Variants in TRPS1 observed in about 807,000 individuals in gnomAD.
TRPS1 encodes transcriptional repressor GATA binding 1.
TRPS1 carries 6 observed loss-of-function variants against 101.2 expected under a neutral mutation model. The observed-to-expected ratio is 0.06, with a 90% CI of 0.03 to 0.12. TRPS1 has a LOEUF of 0.12. Ranked by LOEUF, TRPS1 falls within the 10% of genes least tolerant of loss-of-function variation. The probability of loss-of-function intolerance (pLI) is 1.00; values close to 1 mark genes in which losing one functional copy is unlikely to be tolerated. For missense variants in TRPS1, 1,363 were observed against 1,567.0 expected (o/e 0.87, Z 2.20); for synonymous variants, 578 against 589.8 (o/e 0.98, Z 0.29).
chr8:115,438,064 A>T (rs1449108007), intron 5 of TRPS1, among the ~76,000 whole-genome samples: 1 of 152,192 alleles, frequency 6.6e-6, no homozygotes, highest in African/African-American at 2.4e-5. Flanking sequence ...CCATCAACAC[A>T]TACACAAGAG....
chr8:115,624,810 AC>A (rs2130546225), intron 1 of TRPS1, among the ~76,000 whole-genome samples: 1 of 151,990 alleles, frequency 6.6e-6, no homozygotes, highest in South Asian at 2.1e-4. Context: ...GTGCTTAAAT[AC>A]ATAAGAAAAA....
chr8:115,539,441 T>C lies in TRPS1; in HGVS notation c.2700+47560A>G, dbSNP rs181608875. Among the ~76,000 whole-genome samples the C allele has an allele frequency of 1.1e-4, 17 of 152,340 alleles. No homozygotes were observed. In the East Asian group the frequency reaches 2.9e-3, roughly 26 times the overall value. On this transcript the variant is annotated intron_variant, in intron 5 of 6. Coordinates refer to ENST00000395715, the MANE Select transcript of TRPS1 (RefSeq NM_014112.5). ...ACCCAGTTCCTGATTTTATTATTTA[T>C]TATTCAAAAAGAACGAAATGAAAAT...
At chr8:115,606,909 C>G (rs1818051085) in intron 3 of TRPS1, among the ~76,000 whole-genome samples, 1 of 151,266 alleles carries the variant, frequency 6.6e-6, no homozygotes, top group African/African-American at 2.4e-5. Context: ...GGGATAAATT[C>G]AGATGTATCC....
At chr8:115,532,414 A>G (rs1163632539) in intron 5 of TRPS1, among the ~76,000 whole-genome samples, 2 of 152,190 alleles carry the variant, frequency 1.3e-5, no homozygotes, top group East Asian at 1.9e-4. Flanking sequence ...GATTATTTCA[A>G]TCAGGCACTA....
intron 5 of TRPS1, among the ~76,000 whole-genome samples, chr8:115,565,092 C>A (rs1032682905): frequency 3.3e-5 from 5 of 152,092 alleles, no homozygotes; most frequent in African/African-American, 1.2e-4. Flanking sequence ...GGAATAGAGA[C>A]CTTAGGCCTT....
intron 5 of TRPS1, among the ~76,000 whole-genome samples, chr8:115,448,428 A>T: frequency 6.6e-6 from 1 of 152,164 alleles, no homozygotes; most frequent in East Asian, 1.9e-4. Flanking sequence ...AGAGACTAGC[A>T]GTCACTCAAG....
chr8:115,564,477 C>T (rs762907575), intron 5 of TRPS1, among the ~76,000 whole-genome samples: 5 of 151,988 alleles, frequency 3.3e-5, no homozygotes, highest in African/African-American at 9.7e-5. Flanking sequence ...TTTATACAAA[C>T]GATTGAAGCA....
intron 5 of TRPS1, among the ~76,000 whole-genome samples, chr8:115,435,384 C>T (rs1306808886): frequency 3.3e-5 from 5 of 152,080 alleles, no homozygotes; most frequent in African/African-American, 9.7e-5. Flanking sequence ...AGTGACTGAT[C>T]GAAATCAGAA....
intron 4 of TRPS1, among the ~76,000 whole-genome samples, chr8:115,593,444 C>T (rs1474818510): frequency 6.6e-6 from 1 of 152,138 alleles, no homozygotes; most frequent in Non-Finnish European, 1.5e-5. Flanking sequence ...TCTATGGTTA[C>T]TGTTTCACGT....
At chr8:115,468,284 T>A (rs1417495511) in intron 5 of TRPS1, among the ~76,000 whole-genome samples, 1 of 152,242 alleles carries the variant, frequency 6.6e-6, no homozygotes, top group Admixed American at 6.5e-5. Context: ...CTTAATTAAA[T>A]GATTTATTTA....
At chr8:115,630,847 T>C (rs755220901) in intron 1 of TRPS1, among the ~76,000 whole-genome samples, 1 of 152,054 alleles carries the variant, frequency 6.6e-6, no homozygotes, top group Non-Finnish European at 1.5e-5. Flanking sequence ...GACCACTTGG[T>C]TTCCCAATGC....
At chr8:115,567,377 T>C (rs1251205179) in intron 5 of TRPS1, among the ~76,000 whole-genome samples, 1 of 152,064 alleles carries the variant, frequency 6.6e-6, no homozygotes, top group Non-Finnish European at 1.5e-5. Context: ...TCTCAGGTCA[T>C]TCACTGTTAT....
In TRPS1 at chr8:115,414,614, G is replaced by C; in HGVS notation, c.3294C>G (p.Ser1098Arg). ...AKHPNYSPPGSPIEKYQYPLF... is the reference protein window; with the variant it reads ...AKHPNYSPPGRPIEKYQYPLF... ...GTGGGTACTGGTACTTTTCAATAGG[G>C]CTGCCTGGTGGTGAATAATTTGGGT... is the stretch of plus-strand genomic sequence containing the variant. The change falls in exon 7 of 7, where the codon AGC becomes AGG. Residue 1098 changes from serine to arginine, a missense_variant. Physicochemically the swap from Ser to Arg is moderately radical, Grantham distance 110 (BLOSUM62 -1). Coordinates refer to ENST00000395715, the MANE Select transcript of TRPS1 (RefSeq NM_014112.5). This position sits in a 1 kb window ranked among gnomAD's most constrained non-coding sequence, Gnocchi z 4.8. The C allele has an allele frequency of 6.2e-7, 1 of 1,613,972 alleles. No individual in the cohort carries two copies. Among genetic ancestry groups the C allele is most frequent in the Non-Finnish European group, 8.5e-7 (1 of 1,179,948 alleles).
intron 5 of TRPS1, among the ~76,000 whole-genome samples, chr8:115,535,309 T>C (rs891164318): frequency 1.2e-4 from 18 of 147,830 alleles, no homozygotes; most frequent in African/African-American, 4.2e-4. Flanking sequence ...ATATATAGCA[T>C]ATATAGCATA....
chr8:115,478,994 T>C lies in TRPS1; in HGVS notation c.2701-60542A>G, dbSNP rs551449542. 7.3e-5 allele frequency among the ~76,000 whole-genome samples: 11 copies of C among 150,320 alleles called. No individual in the cohort carries two copies. The South Asian group carries it at 2.3e-3, about 31-fold the overall frequency. On this transcript the variant is annotated intron_variant, in intron 5 of 6. Coordinates refer to ENST00000395715, the MANE Select transcript of TRPS1 (RefSeq NM_014112.5). Reference sequence around the variant, plus strand: ...ATATGTATATATATGTATATATGTATTTACATATTATTCAGCTAACTTAAT... The same window carrying C: ...ATATGTATATATATGTATATATGTACTTACATATTATTCAGCTAACTTAAT...
At chr8:115,537,525 G>A (rs985097683) in intron 5 of TRPS1, among the ~76,000 whole-genome samples, 5 of 151,972 alleles carry the variant, frequency 3.3e-5, no homozygotes, top group African/African-American at 1.2e-4. Flanking sequence ...CCCATAAGTC[G>A]ATGCCTCTGC....
At chr8:115,658,759 C>A (rs1811732229) in intron 1 of TRPS1, among the ~76,000 whole-genome samples, 1 of 151,960 alleles carries the variant, frequency 6.6e-6, no homozygotes, top group African/African-American at 2.4e-5. Flanking sequence ...ACACTAAATA[C>A]AAATATGTGT....
At chr8:115,415,425 A>AT (rs1277226176) in intron 6 of TRPS1, among the ~76,000 whole-genome samples, 1 of 152,152 alleles carries the variant, frequency 6.6e-6, no homozygotes, top group Admixed American at 6.5e-5. Flanking sequence ...TTTTTCTGAA[A>AT]TTTTTTTTCA....
At chr8:115,631,843 TA>T (rs1818653089) in intron 1 of TRPS1, among the ~76,000 whole-genome samples, 1 of 152,144 alleles carries the variant, frequency 6.6e-6, no homozygotes, top group South Asian at 2.1e-4. Flanking sequence ...ATCAAGGCAT[TA>T]ATTTTCTCCT....
Sources: allele counts gnomAD v4.1 joint callset (sites outside exome capture counted in the v4.1 genomes callset), GRCh38; gene constraint gnomAD v4.1.1; non-coding constraint Gnocchi (gnomAD v3.1); transcripts MANE v1.5; gene names NCBI Gene and HGNC (gene_info 2026-07-23, HGNC 2026-07-21).